Variants in MTOR observed in about 807,000 individuals in gnomAD.
MTOR encodes serine/threonine-protein kinase mTOR.
MTOR carries 70 observed loss-of-function variants against 319.8 expected under a neutral mutation model. That is an observed-to-expected ratio of 0.22 (90% CI 0.18 to 0.27). MTOR has a LOEUF of 0.27. Ranked by LOEUF, MTOR falls within the 10% of genes least tolerant of loss-of-function variation. The pLI is 1.00. For synonymous variants in MTOR, 1,183 were observed against 1,211.4 expected (o/e 0.98, Z 0.49); for missense variants, 1,890 against 3,274.4 (o/e 0.58, Z 10.32).
In MTOR at chr1:11,122,041, T is replaced by A. The variant is rs1177466034; in HGVS notation, c.6748A>T (p.Ile2250Phe). The A allele has an allele frequency of 1.2e-6, 2 of 1,614,178 alleles. No homozygotes were observed. The change falls in exon 48 of 58, where the codon ATC (isoleucine) becomes TTC (phenylalanine). Residue 2250 changes from isoleucine (I) to phenylalanine (F), a missense_variant. Coordinates refer to ENST00000361445, the MANE Select transcript of MTOR (RefSeq NM_004958.4). ...VPHCDTLHALIRDYREKKKIL... is the reference protein window; with the variant it reads ...VPHCDTLHALFRDYREKKKIL... ...TTCTTCTTCTCCCTGTAGTCCCGGATGAGGGCGTGCAGTGTGTCACAGTGG... is the reference window on the plus strand; with the variant it reads ...TTCTTCTTCTCCCTGTAGTCCCGGAAGAGGGCGTGCAGTGTGTCACAGTGG...
chr1:11,183,282 C>A (rs1645215052), intron 28 of MTOR, among the ~76,000 whole-genome samples: 1 of 152,046 alleles, frequency 6.6e-6, no homozygotes, highest in African/African-American at 2.4e-5. Context: ...AGTGCCTGTT[C>A]ACATCTTTTG....
intron 36 of MTOR, among the ~76,000 whole-genome samples, chr1:11,137,048 T>C (rs12146126): frequency 0.099 from 14,559 of 147,346 alleles, 1,183 homozygotes; most frequent in African/African-American, 0.21. Flanking sequence ...CACCATGTTG[T>C]CCAGGCTGGT....
At chr1:11,247,191 T>C (rs1287620080) in intron 8 of MTOR, among the ~76,000 whole-genome samples, 2 of 152,116 alleles carry the variant, frequency 1.3e-5, no homozygotes, top group African/African-American at 4.8e-5. Context: ...GGACTCTGAG[T>C]TGGGGCAGCT....
chr1:11,201,358 G>A (rs1029199648), intron 26 of MTOR, among the ~76,000 whole-genome samples: 8 of 152,062 alleles, frequency 5.3e-5, no homozygotes, highest in East Asian at 1.9e-4. Flanking sequence ...TCCACACTAC[G>A]GAAACAGGGA....
chr1:11,213,532 G>A lies in MTOR; in HGVS notation c.3152C>T (p.Thr1051Met), dbSNP rs140743545. The A allele has an allele frequency of 1.1e-5, 18 of 1,613,942 alleles. No individual in the cohort carries two copies. The highest frequency in any genetic ancestry group is 1.1e-4 in the African/African-American group (8 of 74,896). ...AATTTGCTCAATGAGAAGAATGATCGTGCTCTGAATTGAGGTGTTCATGAC... is the reference window on the plus strand; with the variant it reads ...AATTTGCTCAATGAGAAGAATGATCATGCTCTGAATTGAGGTGTTCATGAC... The part of the protein sequence containing the change: ...FWVMNTSIQS[T>M]IILLIEQIVV... The change falls in exon 21 of 58, where the codon ACG (threonine) becomes ATG (methionine). Residue 1051 changes from threonine (T) to methionine (M), a missense_variant. Thr to Met is a moderately conservative substitution (Grantham distance 81). Around this residue, in one of 15 missense-constraint regions of MTOR, gnomAD observed 377 missense variants for 653.9 expected, o/e 0.58. Coordinates refer to ENST00000361445, the MANE Select transcript of MTOR (RefSeq NM_004958.4).
In MTOR at chr1:11,199,401, G is replaced by A. The variant is rs771284051; in HGVS notation, c.4110C>T (p.Gly1370=). The A allele has an allele frequency of 6.2e-6, 10 of 1,614,152 alleles. No individual in the cohort carries two copies. Among genetic ancestry groups the A allele is most frequent in the Non-Finnish European group, 6.8e-6 (8 of 1,180,032 alleles). ...LAEFMEHSDK[G]PLPLRDDNGI... ...CATTGTCATCTCTCAGTGGCAGGGG[G>A]CCCTGGAGAAGAGCAAAACCTCACA... The change falls in exon 28 of 58, where the codon GGC becomes GGT. Residue 1370 remains glycine (G), a splice_region_variant and synonymous_variant. Coordinates refer to ENST00000361445, the MANE Select transcript of MTOR (RefSeq NM_004958.4). This position sits in a 1 kb window ranked among gnomAD's most constrained non-coding sequence, Gnocchi z 4.5.
At chr1:11,186,187 G>C (rs1645317248) in intron 28 of MTOR, among the ~76,000 whole-genome samples, 1 of 151,468 alleles carries the variant, frequency 6.6e-6, no homozygotes, top group Non-Finnish European at 1.5e-5. Context: ...ATTCCTTTGA[G>C]ATACACAATT....
At position 11,133,349 on chromosome 1, in the gene MTOR, C is replaced by T. The variant is rs17235612; in HGVS notation, c.5247-152G>A. On this transcript the variant is annotated intron_variant, in intron 37 of 57. Transcript: ENST00000361445. This position sits in a 1 kb window ranked among gnomAD's most constrained non-coding sequence, Gnocchi z 4.0. ...AAGGAGCTAGCAAAATTTTCAGCCA[C>T]ACGCAAGAAAGGAGATGGGCTTTTG... 0.046 allele frequency: 30,722 copies of T among 661,754 alleles called. 1,204 individuals are homozygous for T. The highest frequency in any genetic ancestry group is 0.11 in the South Asian group (6,091 of 54,558). The allele number at this position is 661,754 out of a possible 1,614,324, so 41.0% of individuals were successfully genotyped here. A position where few individuals can be genotyped will look rare whatever the true frequency, so the allele number is the denominator to read the frequency against.
Position 11,233,016 on chromosome 1 carries a change from T to C in MTOR, c.2421+382A>G, listed in dbSNP as rs539807880. On this transcript the variant is annotated intron_variant, in intron 15 of 57. Transcript: ENST00000361445. Reference sequence around the variant, plus strand: ...GCAATTCCTGGCCAAGAAACAAAAGTAAAATCGTCCCATTCCCCAGTGGAT... The same window carrying C: ...GCAATTCCTGGCCAAGAAACAAAAGCAAAATCGTCCCATTCCCCAGTGGAT... The C allele has an allele frequency of 2.6e-5, 25 of 970,178 alleles. No homozygotes were observed. In the East Asian group the frequency reaches 5.5e-4, roughly 21 times the overall value. The allele number at this position is 970,178 out of a possible 1,614,324, so 60.1% of individuals were successfully genotyped here. A position where few individuals can be genotyped will look rare whatever the true frequency, so the allele number is the denominator to read the frequency against.
intron 19 of MTOR, among the ~76,000 whole-genome samples, chr1:11,222,809 T>C (rs1186022252): frequency 6.6e-6 from 1 of 151,988 alleles, no homozygotes; most frequent in Admixed American, 6.6e-5. Context: ...CATTTTGCAG[T>C]CCCTAATCAA....
chr1:11,124,210 G>A (rs1298952441), intron 47 of MTOR, among the ~76,000 whole-genome samples: 1 of 151,778 alleles, frequency 6.6e-6, no homozygotes, highest in African/African-American at 2.4e-5. Flanking sequence ...GATTATAGGT[G>A]CGAGCCACCA....
At chr1:11,112,989 C>T in intron 53 of MTOR, 72 bp from the exon 54 acceptor site, 1 of 1,458,554 alleles carries the variant, frequency 6.9e-7, no homozygotes, top group Admixed American at 1.8e-5. Context: ...TTATTTTCTT[C>T]CAGTCATAAA....
chr1:11,116,888 C>CA (rs751950672), intron 50 of MTOR, 116 bp downstream of exon 50: 2 of 773,120 alleles, frequency 2.6e-6, no homozygotes, highest in Non-Finnish European at 4.3e-6. Flanking sequence ...CTTACATATA[C>CA]AATACCAATA....
chr1:11,247,725 C>T lies in MTOR; in HGVS notation c.1125G>A (p.Gln375=), dbSNP rs2100939225. The T allele has an allele frequency of 6.2e-7, 1 of 1,614,192 alleles. No individual in the cohort carries two copies. The highest frequency in any genetic ancestry group is 8.5e-7 in the Non-Finnish European group (1 of 1,180,048). Residue 375 remains glutamine (Q), a synonymous_variant, in exon 8 of 58, where the codon CAG becomes CAA. Transcript: ENST00000361445. ...LMEEKFDQVC[Q]WVLKCRNSKN... ...TGCTATTCCTGCATTTCAGCACCCA[C>T]TGGCACACCTGAGAGAGGAAGGATA... is the stretch of plus-strand genomic sequence containing the variant.
intron 6 of MTOR, among the ~76,000 whole-genome samples, chr1:11,250,105 C>A (rs1254909233): frequency 6.9e-6 from 1 of 144,166 alleles, no homozygotes; most frequent in East Asian, 2.2e-4. Flanking sequence ...GGGCTCCTCA[C>A]TTCCCAGTAG....
intron 28 of MTOR, chr1:11,194,616 G>GGACAAT: frequency 1.2e-6 from 2 of 1,614,164 alleles, no homozygotes; most frequent in Non-Finnish European, 1.7e-6. Flanking sequence ...CCAAGGACAA[G>GGACAAT]GACAATGACA....
Position 11,256,187 on chromosome 1 carries a change from C to G in MTOR, c.510G>C (p.Leu170=), listed in dbSNP as rs12120294. The G allele has an allele frequency of 4.9e-3, 7,925 of 1,613,562 alleles. 33 individuals carry two copies. The highest frequency in any genetic ancestry group is 6.0e-3 in the Non-Finnish European group (7,070 of 1,179,784). ...RNEGRRHAAV[L]VLRELAISVP... ...CGCTGATGGCCAGCTCACGGAGAAC[C>G]AGGACCTGGAGAAAAAAGCAAACCG... The change falls in exon 5 of 58, where the codon CTG becomes CTC. Residue 170 remains leucine (L), a synonymous_variant. Transcript: ENST00000361445.
chr1:11,234,961 G>A (rs1179751912), intron 13 of MTOR, among the ~76,000 whole-genome samples: 1 of 152,186 alleles, frequency 6.6e-6, no homozygotes. Context: ...GATGAGCAGT[G>A]ACAAAAGCAG....
chr1:11,139,251 T>G, intron 36 of MTOR, 53 bp downstream of exon 36: 1 of 1,551,710 alleles, frequency 6.4e-7, no homozygotes, highest in Non-Finnish European at 8.7e-7. Flanking sequence ...CGAAGCAGAT[T>G]AGGCGAGCAT....
Sources: allele counts gnomAD v4.1 joint callset (sites outside exome capture counted in the v4.1 genomes callset), GRCh38; gene constraint gnomAD v4.1.1; regional missense constraint gnomAD v4.1.1; non-coding constraint Gnocchi (gnomAD v3.1); transcripts MANE v1.5; gene names NCBI Gene and HGNC (gene_info 2026-07-23, HGNC 2026-07-21).